Variants in MACROD2 observed in about 807,000 individuals in gnomAD.
MACROD2 encodes mono-ADP ribosylhydrolase 2, also known as ADP-ribose glycohydrolase MACROD2.
MACROD2 carries 36 observed loss-of-function variants against 70.4 expected under a neutral mutation model. The ratio of observed to expected loss-of-function variants is 0.51; its 90% CI spans 0.39 to 0.68. The LOEUF is 0.68. MACROD2 is among the 30% of genes least tolerant of loss of function. MACROD2 has a pLI of 0.00. For missense variants in MACROD2, 496 were observed against 538.4 expected, an observed-to-expected ratio of 0.92 and a Z score of 0.78; for synonymous variants, 172 against 178.8, an observed-to-expected ratio of 0.96 and a Z score of 0.30.
intron 7 of MACROD2, among the ~76,000 whole-genome samples, chr20:15,464,759 A>G (rs1289268747): frequency 6.6e-6 from 1 of 152,174 alleles, no homozygotes; most frequent in Non-Finnish European, 1.5e-5. Context: ...CTGGAAATTA[A>G]TTGCTCTGCC....
At chr20:15,309,805 A>G (rs546502120) in intron 6 of MACROD2, among the ~76,000 whole-genome samples, 1 of 152,324 alleles carries the variant, frequency 6.6e-6, no homozygotes, top group East Asian at 1.9e-4. Flanking sequence ...TCAAAGAGAA[A>G]GTGATATTTT....
At chr20:15,913,243 T>G (rs2065262547) in intron 10 of MACROD2, among the ~76,000 whole-genome samples, 1 of 152,102 alleles carries the variant, frequency 6.6e-6, no homozygotes, top group Non-Finnish European at 1.5e-5. Context: ...AGAAAACAAA[T>G]GCCTTTTTAA....
chr20:14,388,862 C>G (rs1269280085), intron 3 of MACROD2, among the ~76,000 whole-genome samples: 1 of 151,802 alleles, frequency 6.6e-6, no homozygotes, highest in Non-Finnish European at 1.5e-5. Context: ...AACTGAGACA[C>G]AGAGAGAGAG....
In MACROD2 at chr20:15,377,046, ATGCC is replaced by A. The variant is rs2045572674; in HGVS notation, c.541-54356_541-54353del. On this transcript the variant is annotated intron_variant, in intron 6 of 17. Transcript: ENST00000684519. The stretch of plus-strand genomic sequence containing the variant: ...GCTGGGACTACAGGCACCTGCCACC[ATGCC>A]TGGCTAATTTTTTGTATTTTTAGTA... Among the ~76,000 whole-genome samples, 6 of 152,122 alleles carry A rather than the reference ATGCC, an allele frequency of 3.9e-5. No individual in the cohort carries two copies. In the South Asian group the frequency reaches 1.2e-3, roughly 32 times the overall value.
chr20:15,582,143 C>T (rs1036588174), intron 8 of MACROD2, among the ~76,000 whole-genome samples: 3 of 151,732 alleles, frequency 2.0e-5, no homozygotes, highest in Non-Finnish European at 4.4e-5. Flanking sequence ...AAAGTTCTGC[C>T]ACTGCCAGGG....
intron 6 of MACROD2, among the ~76,000 whole-genome samples, chr20:15,369,502 A>G (rs1157495301): frequency 6.6e-6 from 1 of 152,172 alleles, no homozygotes; most frequent in Non-Finnish European, 1.5e-5. Context: ...GTTTTATCTC[A>G]ACAAAAAAGT....
chr20:15,957,647 G>A (rs972735829), intron 12 of MACROD2, among the ~76,000 whole-genome samples: 1 of 152,160 alleles, frequency 6.6e-6, no homozygotes, highest in Non-Finnish European at 1.5e-5. Flanking sequence ...CTTCCAAGGA[G>A]CTCTGCATTT....
chr20:14,479,589 T>A (rs1395016877), intron 3 of MACROD2, among the ~76,000 whole-genome samples: 1 of 152,168 alleles, frequency 6.6e-6, no homozygotes, highest in Non-Finnish European at 1.5e-5. Context: ...ACCCTCCTTT[T>A]GCACCTTTCA....
At chr20:15,893,942 T>G (rs1225218269) in intron 10 of MACROD2, 1 of 456,558 alleles carries the variant, frequency 2.2e-6, no homozygotes, top group Non-Finnish European at 4.4e-6. Flanking sequence ...CAGTCTGCAG[T>G]GCAGTCTGGA....
chr20:14,087,435 C>T (rs1198287236), intron 3 of MACROD2, among the ~76,000 whole-genome samples: 1 of 152,020 alleles, frequency 6.6e-6, no homozygotes, highest in Non-Finnish European at 1.5e-5. Flanking sequence ...TTGCTTTGTA[C>T]CACAGCTGCT....
At chr20:15,525,201 C>G (rs1265933132) in intron 8 of MACROD2, among the ~76,000 whole-genome samples, 1 of 152,208 alleles carries the variant, frequency 6.6e-6, no homozygotes, top group Non-Finnish European at 1.5e-5. Flanking sequence ...ACCTCTTGCA[C>G]TTCTCCCTCA....
At position 14,396,700 on chromosome 20, in the gene MACROD2, C is replaced by T. The variant is rs560587833; in HGVS notation, c.272-96779C>T. On this transcript the variant is annotated intron_variant, in intron 3 of 17. Transcript: ENST00000684519. ...CAGCACTTTGGGAGGCTGAGGAGGGCGGATTACGAGGTCAGGAGATCAAGA... is the reference window on the plus strand; with the variant it reads ...CAGCACTTTGGGAGGCTGAGGAGGGTGGATTACGAGGTCAGGAGATCAAGA... Among the ~76,000 whole-genome samples, 14 of 151,878 alleles carry T rather than the reference C, an allele frequency of 9.2e-5. No individual in the cohort carries two copies. In the East Asian group the frequency reaches 1.2e-3, roughly 13 times the overall value.
In MACROD2 at chr20:14,414,314, A is replaced by G. The variant is rs557926049; in HGVS notation, c.272-79165A>G. Among the ~76,000 whole-genome samples, 7 of 152,238 alleles carry G rather than the reference A, an allele frequency of 4.6e-5. No homozygotes were observed. In the East Asian group the frequency reaches 1.4e-3, roughly 29 times the overall value. On this transcript the variant is annotated intron_variant, in intron 3 of 17. Transcript: ENST00000684519. ...CCACTCTTCCTGTCGTACAAGCCCCAAACCGTAGTCGCTCTTTACTTTTCT... is the reference window on the plus strand; with the variant it reads ...CCACTCTTCCTGTCGTACAAGCCCCGAACCGTAGTCGCTCTTTACTTTTCT...
At position 15,958,778 on chromosome 20, in the gene MACROD2, G is replaced by A. The variant is rs999817848; in HGVS notation, c.908-8775G>A. Among the ~76,000 whole-genome samples, 4 of 152,156 alleles carry A rather than the reference G, an allele frequency of 2.6e-5. No homozygotes were observed. In the South Asian group the frequency reaches 8.3e-4, roughly 31 times the overall value. On this transcript the variant is annotated intron_variant, in intron 12 of 17. Transcript: ENST00000684519. ...GGGGAAGTAATTGAGGCTAGATGAG[G>A]TTATGAGGGTTGGTCCCCACGATAG... is the stretch of plus-strand genomic sequence containing the variant.
chr20:14,869,207 G>A (rs10485515), intron 5 of MACROD2, among the ~76,000 whole-genome samples: 25,728 of 152,118 alleles, frequency 0.17, 2,443 homozygotes, highest in East Asian at 0.28. Flanking sequence ...TGCCACCTTT[G>A]GAGAAAATAT....
chr20:15,418,766 C>A (rs1360496208), intron 6 of MACROD2, among the ~76,000 whole-genome samples: 1 of 152,278 alleles, frequency 6.6e-6, no homozygotes, highest in African/African-American at 2.4e-5. Context: ...TCTTAAGGGG[C>A]CTCTCACTGA....
At chr20:14,045,483 C>T (rs1415594219) in intron 2 of MACROD2, among the ~76,000 whole-genome samples, 1 of 152,310 alleles carries the variant, frequency 6.6e-6, no homozygotes, top group East Asian at 1.9e-4. Context: ...TAGGAAACTG[C>T]AGACAGAAAA....
intron 6 of MACROD2, among the ~76,000 whole-genome samples, chr20:15,308,650 C>T (rs1040639003): frequency 3.3e-5 from 5 of 152,264 alleles, no homozygotes; most frequent in Admixed American, 6.5e-5. Flanking sequence ...CAAATTCAAA[C>T]ATTTAGATTC....
intron 8 of MACROD2, among the ~76,000 whole-genome samples, chr20:15,657,656 C>T (rs1568956882): frequency 6.6e-6 from 1 of 152,170 alleles, no homozygotes; most frequent in Non-Finnish European, 1.5e-5. Context: ...ACCTAGTAGA[C>T]AGCATCTTAG....
Sources: gnomAD v4.1 joint callset for allele counts (sites outside exome capture counted in the v4.1 genomes callset) on GRCh38, gnomAD v4.1.1 for gene constraint, MANE v1.5 for transcripts, NCBI Gene and HGNC (gene_info 2026-07-23, HGNC 2026-07-21) for gene names.